The following LY86 variants were observed in gnomAD, a reference collection of about 807,000 sequenced individuals.
LY86 encodes MD-1, RP105-associated.
LY86 carries 20 observed loss-of-function variants against 17.3 expected under a neutral mutation model. The observed-to-expected ratio is 1.15, with a 90% CI of 0.81 to 1.68. The LOEUF is 1.68. Among genes scored for constraint, LY86 ranks in the 40% most tolerant of loss-of-function variants. The pLI is 0.00. For missense variants in LY86, 200 were observed against 191.9 expected, an observed-to-expected ratio of 1.04 and a Z score of -0.25; for synonymous variants, 74 against 70.6, an observed-to-expected ratio of 1.05 and a Z score of -0.24.
At chr6:6,614,720 A>C (rs1208668574) in intron 1 of LY86, among the ~76,000 whole-genome samples, 1 of 151,410 alleles carries the variant, frequency 6.6e-6, no homozygotes, top group Non-Finnish European at 1.5e-5. Context: ...CTTGGCAGAG[A>C]GTCGATGCTC....
intron 1 of LY86, among the ~76,000 whole-genome samples, chr6:6,612,021 T>C (rs920514503): frequency 1.7e-5 from 1 of 57,966 alleles, no homozygotes; most frequent in African/African-American, 1.1e-4. Flanking sequence ...ATAATCTTTG[T>C]GGTCTCTTGT....
intron 1 of LY86, among the ~76,000 whole-genome samples, chr6:6,611,757 C>T (rs1172611415): frequency 6.6e-6 from 1 of 152,126 alleles, no homozygotes; most frequent in Non-Finnish European, 1.5e-5. Context: ...CTTTGTATCC[C>T]ACATCTAGCA....
At chr6:6,607,705 GCC>G (rs1761224984) in intron 1 of LY86, among the ~76,000 whole-genome samples, 1 of 152,122 alleles carries the variant, frequency 6.6e-6, no homozygotes, top group Non-Finnish European at 1.5e-5. Context: ...TTCAAGATCA[GCC>G]TGGCCAACAT....
intron 2 of LY86, among the ~76,000 whole-genome samples, chr6:6,625,317 A>G (rs1475487551): frequency 4.6e-5 from 7 of 152,252 alleles, no homozygotes; most frequent in Admixed American, 2.0e-4. Context: ...GAGATTAAGT[A>G]TTAATGTCTA....
intron 3 of LY86, among the ~76,000 whole-genome samples, chr6:6,636,010 T>C (rs1761954461): frequency 6.6e-6 from 1 of 152,240 alleles, no homozygotes; most frequent in South Asian, 2.1e-4. Flanking sequence ...TTCTCAACCT[T>C]GAGCAGGCAT....
intron 3 of LY86, among the ~76,000 whole-genome samples, chr6:6,637,589 A>T (rs1358778101): frequency 6.6e-6 from 1 of 152,180 alleles, no homozygotes; most frequent in East Asian, 1.9e-4. Context: ...TTAGGAAGCT[A>T]ATTAAGATGG....
Position 6,588,734 on chromosome 6 carries a change from C to T in LY86, c.-1C>T. The stretch of plus-strand genomic sequence containing the variant: ...CTGTGTGTCCCATACAGGCCCCCAC[C>T]ATGAAGGGTTTCACAGCCACTCTCT... On this transcript the variant is annotated 5_prime_UTR_variant, in exon 1 of 5. Coordinates refer to ENST00000230568, the MANE Select transcript of LY86 (RefSeq NM_004271.4). The T allele has an allele frequency of 6.2e-7, 1 of 1,614,046 alleles. No homozygotes were observed. Among genetic ancestry groups the T allele is most frequent in the Non-Finnish European group, 8.5e-7 (1 of 1,179,944 alleles).
At chr6:6,631,409 G>A (rs1761896606) in intron 3 of LY86, among the ~76,000 whole-genome samples, 1 of 152,164 alleles carries the variant, frequency 6.6e-6, no homozygotes, top group Non-Finnish European at 1.5e-5. Flanking sequence ...TGCTAGAGAA[G>A]AAGTAAACTC....
intron 1 of LY86, among the ~76,000 whole-genome samples, chr6:6,595,306 A>T (rs939930684): frequency 9.4e-5 from 14 of 149,264 alleles, no homozygotes; most frequent in Admixed American, 8.0e-4. Context: ...GAGGAGAAGG[A>T]GGAGGAGGTG....
intron 1 of LY86, among the ~76,000 whole-genome samples, chr6:6,616,941 TG>T: frequency 6.6e-6 from 1 of 152,188 alleles, no homozygotes; most frequent in African/African-American, 2.4e-5. Context: ...GTGTCACCAG[TG>T]TCATGGTTCC....
chr6:6,603,107 G>A (rs1760965338), intron 1 of LY86, among the ~76,000 whole-genome samples: 3 of 152,088 alleles, frequency 2.0e-5, no homozygotes, highest in South Asian at 4.1e-4. Flanking sequence ...ATGGCAGAAA[G>A]GGCAAACAAG....
chr6:6,612,000 A>ACACTATGAATACTGAG (rs1554124569), intron 1 of LY86, among the ~76,000 whole-genome samples: 1 of 151,702 alleles, frequency 6.6e-6, no homozygotes, highest in African/African-American at 2.4e-5. Context: ...TGAGTACTGA[A>ACACTATGAATACTGAG]CACTATGAAA....
chr6:6,615,719 C>CAAAAAAAAAAAAAA (rs373207405), intron 1 of LY86, among the ~76,000 whole-genome samples: 20 of 91,730 alleles, frequency 2.2e-4, no homozygotes, highest in African/African-American at 8.6e-4. Context: ...GATGTTGTCT[C>CAAAAAAAAAAAAAA]AAAAAAAAAA....
intron 1 of LY86, among the ~76,000 whole-genome samples, chr6:6,602,818 T>C (rs1379109655): frequency 6.6e-6 from 1 of 152,150 alleles, no homozygotes; most frequent in African/African-American, 2.4e-5. Flanking sequence ...GACTTAACTG[T>C]GTATTGGACA....
At chr6:6,603,857 AAAT>A (rs1283663142) in intron 1 of LY86, among the ~76,000 whole-genome samples, 22 of 151,776 alleles carry the variant, frequency 1.4e-4, no homozygotes, top group Admixed American at 3.3e-4. Flanking sequence ...ATAAATTAAG[AAAT>A]AATAAAAGAA....
intron 1 of LY86, among the ~76,000 whole-genome samples, chr6:6,604,153 C>T (rs536459428): frequency 6.6e-6 from 1 of 152,280 alleles, no homozygotes; most frequent in East Asian, 1.9e-4. Flanking sequence ...CATATACCCT[C>T]AATTCACATT....
chr6:6,593,779 G>A (rs1481669419), intron 1 of LY86, among the ~76,000 whole-genome samples: 1 of 152,222 alleles, frequency 6.6e-6, no homozygotes, highest in Admixed American at 6.5e-5. Flanking sequence ...TGGCATCCTG[G>A]ATGGTGTGTC....
At chr6:6,622,218 G>A (rs1406962618) in intron 1 of LY86, among the ~76,000 whole-genome samples, 1 of 152,116 alleles carries the variant, frequency 6.6e-6, no homozygotes, top group Non-Finnish European at 1.5e-5. Context: ...CTAGTACCAA[G>A]AAAATGCTTT....
At chr6:6,619,319 T>C (rs1043604516) in intron 1 of LY86, among the ~76,000 whole-genome samples, 4 of 152,252 alleles carry the variant, frequency 2.6e-5, no homozygotes, top group Non-Finnish European at 5.9e-5. Context: ...GAATATCTGC[T>C]ACTATTTGGC....
Sources: gnomAD v4.1 joint callset for allele counts (sites outside exome capture counted in the v4.1 genomes callset) on GRCh38, gnomAD v4.1.1 for gene constraint, MANE v1.5 for transcripts, NCBI Gene and HGNC (gene_info 2026-07-23, HGNC 2026-07-21) for gene names.